SMIM27: variants seen among roughly 807,000 people sequenced by gnomAD.
SMIM27 encodes the protein TOPORS antisense RNA 1 (non-protein coding).
SMIM27 carries 3 observed loss-of-function variants against 1.8 expected under a neutral mutation model. The observed-to-expected ratio is 1.65, with a 90% CI of 0.75 to 4.28. The LOEUF is 4.28. Among genes scored for constraint, SMIM27 ranks in the 30% most tolerant of loss-of-function variants. The pLI is 0.02. For synonymous variants in SMIM27, 19 were observed against 13.9 expected (o/e 1.37, Z -0.82); for missense variants, 63 against 37.0 (o/e 1.70, Z -1.83).
chr9:32,553,212 T>G, downstream of SMIM27: 1 of 251,918 alleles, frequency 4.0e-6, no homozygotes, highest in Non-Finnish European at 7.7e-6. Context: ...TTTTTTTTTT[T>G]GAGACGGAGT....
At chr9:32,551,831 C>A (rs781644038), upstream of SMIM27, 13 of 450,110 alleles carry the variant, frequency 2.9e-5, no homozygotes, top group South Asian at 1.9e-4. Context: ...CGTATTTCTT[C>A]TTAGAGATAT....
At chr9:32,565,758 G>A (rs1821765679) in intron 1 of SMIM27, 1 of 154,516 alleles carries the variant, frequency 6.5e-6, no homozygotes, top group Non-Finnish European at 1.4e-5. Flanking sequence ...GATCACCTGA[G>A]GTCAGGAGTT....
chr9:32,555,387 G>A (rs1272064882), downstream of SMIM27, among the ~76,000 whole-genome samples: 1 of 152,224 alleles, frequency 6.6e-6, no homozygotes, highest in Admixed American at 6.5e-5. Context: ...CTATGGCAAA[G>A]ATCAGTTTAA....
chr9:32,566,623 C>T (rs939020557), exon 2 of SMIM27: 18 of 790,286 alleles, frequency 2.3e-5, no homozygotes, highest in Non-Finnish European at 4.2e-5. Context: ...TGAGCCTCTG[C>T]ACCCACCATG....
chr9:32,556,194 G>A (rs1821450218), downstream of SMIM27, among the ~76,000 whole-genome samples: 1 of 152,234 alleles, frequency 6.6e-6, no homozygotes, highest in Non-Finnish European at 1.5e-5. Flanking sequence ...TTGGTGACTA[G>A]AAAGATGGAA....
Position 32,558,882 on chromosome 9 carries a change from A to T in SMIM27, c.45+6403A>T, listed in dbSNP as rs775831612. Reference sequence around the variant, plus strand: ...AAGGAAAGAGAAAAACAATAAACAAAAGAAAAATCAGAAGTGTTAAGACTT... The same window carrying T: ...AAGGAAAGAGAAAAACAATAAACAATAGAAAAATCAGAAGTGTTAAGACTT... On this transcript the variant is annotated intron_variant, in intron 1 of 1. Transcript: ENST00000451672. 1.3e-5 allele frequency: 19 copies of T among 1,451,218 alleles called. No homozygotes were observed. The South Asian group carries it at 2.2e-4, about 17-fold the overall frequency. 89.9% of individuals were successfully genotyped at this position (1,451,218 alleles called of 1,614,324 possible).
chr9:32,563,311 T>C (rs1821680867), intron 1 of SMIM27, among the ~76,000 whole-genome samples: 2 of 152,154 alleles, frequency 1.3e-5, no homozygotes, highest in African/African-American at 4.8e-5. Context: ...ATTTTAAAAT[T>C]AGTATTAGCA....
chr9:32,552,471 T>A lies in SMIM27; in HGVS notation c.37T>A (p.Tyr13Asn). The change falls in exon 1 of 2, where the codon TAT becomes AAT. Residue 13 changes from tyrosine to asparagine, a missense_variant. Tyr to Asn is a moderately radical substitution (Grantham distance 143). Coordinates refer to ENST00000692500, the MANE Select transcript of SMIM27 (RefSeq NM_001387564.1). ...AAGTCGTCGCACGCTGGACTGGATTTATTCAGTGGTAAGTCCCGGGGATCG... is the reference window on the plus strand; with the variant it reads ...AAGTCGTCGCACGCTGGACTGGATTAATTCAGTGGTAAGTCCCGGGGATCG... ...PVSRRTLDWI[Y>N]SVLLLAIVLI... 1.9e-6 allele frequency: 3 copies of A among 1,598,428 alleles called. No homozygotes were observed. Among genetic ancestry groups the A allele is most frequent in the Non-Finnish European group, 2.6e-6 (3 of 1,173,002 alleles).
intron 1 of SMIM27, among the ~76,000 whole-genome samples, chr9:32,560,870 T>A (rs993108719): frequency 3.3e-5 from 5 of 152,152 alleles, no homozygotes; most frequent in African/African-American, 4.8e-5. Context: ...AGGAAAAAAA[T>A]ATGTTTTTAT....
intron 1 of SMIM27, among the ~76,000 whole-genome samples, chr9:32,564,733 G>T (rs560297820): frequency 1.2e-4 from 18 of 152,256 alleles, no homozygotes; most frequent in Non-Finnish European, 2.1e-4. Flanking sequence ...TATCTGAGAT[G>T]ATAGTAACTC....
chr9:32,552,909 A>G lies in SMIM27; in HGVS notation c.154A>G (p.Asn52Asp). ...KKYPDKIFGT[N>D]ENL ...ATACCCAGACAAAATCTTTGGGACG[A>G]ATGAAAATTTGTAACTCTTCTGGAT... is the stretch of plus-strand genomic sequence containing the variant. The change falls in exon 2 of 2, where the codon AAT becomes GAT. Residue 52 changes from asparagine to aspartate, a missense_variant. Coordinates refer to ENST00000692500, the MANE Select transcript of SMIM27 (RefSeq NM_001387564.1). 1.4e-6 allele frequency: 1 copy of G among 702,196 alleles called. No homozygotes were observed. 43.5% of individuals were successfully genotyped at this position (702,196 alleles called of 1,614,324 possible). A position where few individuals can be genotyped will look rare whatever the true frequency, so the allele number is the denominator to read the frequency against.
intron 1 of SMIM27, 113 bp downstream of exon 1, chr9:32,552,592 T>C: frequency 1.1e-6 from 1 of 911,554 alleles, no homozygotes; most frequent in South Asian, 1.4e-5. Flanking sequence ...GAATTAAGCA[T>C]TTCACTCCCT....
chr9:32,558,273 A>G (rs961690452), intron 1 of SMIM27, among the ~76,000 whole-genome samples: 64 of 152,054 alleles, frequency 4.2e-4, no homozygotes, highest in African/African-American at 1.5e-3. Context: ...CACCACGCCC[A>G]GCTAATTTTT....
chr9:32,551,316 C>T (rs966957232), upstream of SMIM27: 2 of 444,986 alleles, frequency 4.5e-6, no homozygotes, highest in East Asian at 9.1e-5. Flanking sequence ...AGGAAATTAT[C>T]TTTAGTGTCT....
intron 1 of SMIM27, chr9:32,559,057 A>G: frequency 1.4e-6 from 1 of 698,236 alleles, no homozygotes; most frequent in Non-Finnish European, 2.4e-6. Flanking sequence ...CCAAACTTTC[A>G]CAGAACTCCA....
chr9:32,558,871 A>G, intron 1 of SMIM27: 1 of 1,372,708 alleles, frequency 7.3e-7, no homozygotes, highest in Non-Finnish European at 1.0e-6. Context: ...AAAGAGAAAA[A>G]CAATAAACAA....
At chr9:32,558,332 C>T (rs1243601191) in intron 1 of SMIM27, among the ~76,000 whole-genome samples, 3 of 152,154 alleles carry the variant, frequency 2.0e-5, no homozygotes, top group South Asian at 2.1e-4. Flanking sequence ...AGAATGGTCT[C>T]GATCTCCTGA....
downstream of SMIM27, among the ~76,000 whole-genome samples, chr9:32,557,937 T>C (rs146996410): frequency 2.1e-3 from 324 of 152,316 alleles, 2 homozygotes; most frequent in Middle Eastern, 0.014. Context: ...TTGTGTACTT[T>C]TGAGTTATGA....
At chr9:32,558,751 TTTTTG>T (rs935473171) in intron 1 of SMIM27, among the ~76,000 whole-genome samples, 5 of 152,202 alleles carry the variant, frequency 3.3e-5, no homozygotes, top group Admixed American at 6.5e-5. Context: ...TTCCTGTTTT[TTTTTG>T]TTTTGTTTTG....
Sources: allele counts gnomAD v4.1 joint callset (sites outside exome capture counted in the v4.1 genomes callset), GRCh38; gene constraint gnomAD v4.1.1; transcripts MANE v1.5; gene names NCBI Gene and HGNC (gene_info 2026-07-23, HGNC 2026-07-21).